SVOPL: variants seen among roughly 807,000 people sequenced by gnomAD.
The protein encoded by SVOPL is SVOP like.
Under a neutral mutation model 61.0 loss-of-function variants are expected in SVOPL, and 60 were observed. The ratio of observed to expected loss-of-function variants is 0.98; its 90% CI spans 0.80 to 1.22. The LOEUF (loss-of-function observed/expected upper bound fraction) is 1.22. Among genes scored for constraint, SVOPL ranks in the 50% most tolerant of loss-of-function variants. The pLI is 0.00. For missense variants in SVOPL, 662 were observed against 643.9 expected (o/e 1.03, Z -0.30); for synonymous variants, 279 against 250.0 (o/e 1.12, Z -1.09).
chr7:138,675,389 T>C (rs1802534139), intron 3 of SVOPL, among the ~76,000 whole-genome samples: 1 of 152,178 alleles, frequency 6.6e-6, no homozygotes. Flanking sequence ...AGTCTTGCTG[T>C]GTTGCCCAGG....
intron 1 of SVOPL, among the ~76,000 whole-genome samples, chr7:138,687,155 C>A (rs1274006130): frequency 1.3e-5 from 2 of 151,492 alleles, no homozygotes; most frequent in Non-Finnish European, 2.9e-5. Flanking sequence ...CTACTGCTCC[C>A]TTTTCAGACA....
At chr7:138,648,038 T>C (rs1252681351) in intron 8 of SVOPL, among the ~76,000 whole-genome samples, 2 of 151,996 alleles carry the variant, frequency 1.3e-5, no homozygotes, top group African/African-American at 4.8e-5. Context: ...TTCTGCTGAG[T>C]GGTCAATCTT....
rs145275010 is a variant in SVOPL at position 138,650,214 on chromosome 7, G to T, written c.535-1077C>A. On this transcript the variant is annotated intron_variant, in intron 7 of 15. Transcript: ENST00000674285. ...GGATTAACACATTTTGGAGATAAAG[G>T]TGACACGGTTCACTGATGGACGTTT... Among the ~76,000 whole-genome samples, 403 of 152,262 alleles carry T rather than the reference G, an allele frequency of 2.6e-3. 1 individual carries two copies. Among genetic ancestry groups the T allele is most frequent in the African/African-American group, 8.8e-3 (365 of 41,560 alleles).
At chr7:138,662,713 G>A in intron 5 of SVOPL, 1 of 1,062,850 alleles carries the variant, frequency 9.4e-7, no homozygotes, top group Admixed American at 4.8e-5. Context: ...AACTGGACGT[G>A]GTGGGGGCAT....
At chr7:138,684,700 T>C (rs1802767106) in intron 1 of SVOPL, among the ~76,000 whole-genome samples, 2 of 152,200 alleles carry the variant, frequency 1.3e-5, no homozygotes, top group Admixed American at 1.3e-4. Flanking sequence ...GAAAACAGTA[T>C]TGAACTATCC....
At chr7:138,683,993 C>T (rs983802883) in intron 1 of SVOPL, among the ~76,000 whole-genome samples, 1 of 150,984 alleles carries the variant, frequency 6.6e-6, no homozygotes, top group African/African-American at 2.4e-5. Flanking sequence ...GCAGAGGTTG[C>T]AGTGAGCCGA....
At position 138,630,045 on chromosome 7, in the gene SVOPL, T is replaced by G. The variant is rs750260234; in HGVS notation, c.863+4A>C. 2.6e-5 allele frequency: 42 copies of G among 1,611,850 alleles called. No individual in the cohort carries two copies. Among genetic ancestry groups the G allele is most frequent in the Non-Finnish European group, 3.5e-5 (41 of 1,178,144 alleles). ...AACTAGCTTTGAAATCATTACACTC[T>G]TACCATATGACCCAGATCTGTAATG... On this transcript the variant is annotated splice_donor_region_variant and intron_variant, in intron 10 of 15. Transcript: ENST00000674285.
chr7:138,676,118 G>A (rs554266755), intron 3 of SVOPL, among the ~76,000 whole-genome samples: 2 of 152,340 alleles, frequency 1.3e-5, no homozygotes, highest in East Asian at 1.9e-4. Flanking sequence ...TGACAGGCAT[G>A]AGCCACAGTG....
rs148480356 is a variant in SVOPL at position 138,627,584 on chromosome 7, A to G, written c.1070-123T>C. ...GCAACTTCATCCAAACCTCACGAGT[A>G]TTCCAGCCAAAATCCAGTCACGTTG... On this transcript the variant is annotated intron_variant, in intron 11 of 15. Coordinates refer to ENST00000674285, the MANE Select transcript of SVOPL (RefSeq NM_001139456.2). The G allele has an allele frequency of 5.2e-4, 360 of 692,986 alleles. 5 individuals are homozygous for G. The highest frequency in any genetic ancestry group is 3.7e-5 in the Non-Finnish European group (15 of 406,926). The allele number at this position is 692,986 out of a possible 1,614,324, so 42.9% of individuals were successfully genotyped here.
chr7:138,618,227 A>G (rs564990953), intron 14 of SVOPL, among the ~76,000 whole-genome samples: 93 of 152,346 alleles, frequency 6.1e-4, no homozygotes, highest in African/African-American at 2.1e-3. Flanking sequence ...GTTATTGATC[A>G]TCATGATAAT....
At chr7:138,620,660 T>C (rs1037928457) in intron 14 of SVOPL, among the ~76,000 whole-genome samples, 1 of 152,014 alleles carries the variant, frequency 6.6e-6, no homozygotes, top group Admixed American at 6.6e-5. Flanking sequence ...GAACCTGCCC[T>C]TACTCTCGGG....
At chr7:138,667,641 T>C (rs917880581) in intron 4 of SVOPL, among the ~76,000 whole-genome samples, 1 of 152,214 alleles carries the variant, frequency 6.6e-6, no homozygotes, top group African/African-American at 2.4e-5. Context: ...ACCCACCTCT[T>C]CCTACATGCT....
intron 6 of SVOPL, among the ~76,000 whole-genome samples, chr7:138,657,057 A>T (rs1360910788): frequency 1.3e-5 from 2 of 150,616 alleles, no homozygotes; most frequent in Non-Finnish European, 3.0e-5. Flanking sequence ...AAAAAAAAAG[A>T]AATATAAGCC....
chr7:138,629,040 C>A (rs1310607418), intron 10 of SVOPL, among the ~76,000 whole-genome samples: 1 of 151,564 alleles, frequency 6.6e-6, no homozygotes, highest in Non-Finnish European at 1.5e-5. Context: ...AATTTTAAAA[C>A]TTCAAAAATT....
chr7:138,644,654 C>A, intron 9 of SVOPL, 63 bp downstream of exon 9: 11 of 1,588,934 alleles, frequency 6.9e-6, no homozygotes, highest in Non-Finnish European at 9.4e-6. Flanking sequence ...CAGCCTTCCA[C>A]AACTGAGGGG....
chr7:138,660,594 C>T (rs1801959878), intron 5 of SVOPL: 3 of 985,338 alleles, frequency 3.0e-6, no homozygotes, highest in Non-Finnish European at 3.6e-6. Context: ...TCTACTGTTG[C>T]AGTTTAAGTT....
At chr7:138,648,725 C>T (rs1181490025) in intron 8 of SVOPL, among the ~76,000 whole-genome samples, 1 of 150,262 alleles carries the variant, frequency 6.7e-6, no homozygotes, top group Non-Finnish European at 1.5e-5. Flanking sequence ...CAGCCGAGGT[C>T]GCGGCACTGC....
chr7:138,623,251 G>A (rs1381294319), intron 13 of SVOPL, among the ~76,000 whole-genome samples: 2 of 152,048 alleles, frequency 1.3e-5, no homozygotes, highest in Admixed American at 1.3e-4. Context: ...CTGGAAGATG[G>A]AATAACAGAA....
chr7:138,597,820 C>T (rs547832617), intron 14 of SVOPL, among the ~76,000 whole-genome samples: 83 of 152,240 alleles, frequency 5.5e-4, no homozygotes, highest in Admixed American at 1.2e-3. Context: ...CCAGAATTCT[C>T]GCCACCACCA....
Sources: gnomAD v4.1 joint callset for allele counts (sites outside exome capture counted in the v4.1 genomes callset) on GRCh38, gnomAD v4.1.1 for gene constraint, MANE v1.5 for transcripts, NCBI Gene and HGNC (gene_info 2026-07-23, HGNC 2026-07-21) for gene names.